Variants in PRKG1 observed in about 807,000 individuals in gnomAD.
PRKG1 encodes cGMP-dependent protein kinase 1.
Under a neutral mutation model 88.1 loss-of-function variants are expected in PRKG1, and 35 were observed. That is an observed-to-expected ratio of 0.40 (90% CI 0.30 to 0.53). The LOEUF is 0.53. Ranked by LOEUF, PRKG1 falls within the 20% of genes least tolerant of loss-of-function variation. The pLI, the probability that PRKG1 is intolerant of heterozygous loss-of-function variation, is 0.59. For synonymous variants in PRKG1, 303 were observed against 292.5 expected (o/e 1.04, Z -0.37); for missense variants, 540 against 839.8 (o/e 0.64, Z 4.41).
intron 2 of PRKG1, among the ~76,000 whole-genome samples, chr10:51,333,511 C>T (rs1249256283): frequency 6.6e-6 from 1 of 152,212 alleles, no homozygotes; most frequent in African/African-American, 2.4e-5. Flanking sequence ...TTTCTAACTG[C>T]TCTGGTCTTC....
In PRKG1 at chr10:51,015,738, T is replaced by A. The variant is rs184996423; in HGVS notation, c.266+24094T>A. 2.6e-3 allele frequency among the ~76,000 whole-genome samples: 390 copies of A among 152,184 alleles called. 1 individual carries two copies. The highest frequency in any genetic ancestry group is 8.6e-3 in the African/African-American group (356 of 41,516). On this transcript the variant is annotated intron_variant, in intron 1 of 17. Coordinates refer to the PRKG1 transcript ENST00000401604. ...TCCATCTCTACTAAAAATACAAAAA[T>A]TAGCTGGGCAAGGTGGTGGGCATCT... is the stretch of plus-strand genomic sequence containing the variant.
chr10:51,283,958 A>G (rs977790764), intron 2 of PRKG1, among the ~76,000 whole-genome samples: 1 of 152,184 alleles, frequency 6.6e-6, no homozygotes, highest in African/African-American at 2.4e-5. Context: ...TAATCAACCA[A>G]TTTACAAACA....
rs563488795 is a variant in PRKG1, at chr10:51,393,808, A to G, written c.479-73915A>G. On this transcript the variant is annotated intron_variant, in intron 2 of 17. Coordinates refer to ENST00000373980, the MANE Select transcript of PRKG1 (RefSeq NM_006258.4). Reference sequence around the variant, plus strand: ...TTGTCTTATTGTTGAAAAATACTAGATAGTACACTGTGAATTACTATTTCA... The same window carrying G: ...TTGTCTTATTGTTGAAAAATACTAGGTAGTACACTGTGAATTACTATTTCA... 3.9e-5 allele frequency among the ~76,000 whole-genome samples: 6 copies of G among 152,320 alleles called. No homozygotes were observed. In the South Asian group the frequency reaches 6.2e-4, roughly 16 times the overall value.
At chr10:52,158,041 A>G (rs775138632) in intron 8 of PRKG1, among the ~76,000 whole-genome samples, 6 of 151,708 alleles carry the variant, frequency 4.0e-5, no homozygotes, top group Non-Finnish European at 5.9e-5. Flanking sequence ...TTTGCTGTGG[A>G]GATGCCCTAA....
chr10:51,758,846 TC>T (rs1054532751), intron 3 of PRKG1, among the ~76,000 whole-genome samples: 3 of 141,444 alleles, frequency 2.1e-5, no homozygotes, highest in Non-Finnish European at 3.0e-5. Flanking sequence ...TCCCTCCTCT[TC>T]CCCCCCACCC....
At chr10:52,102,673 C>T (rs548253304) in intron 7 of PRKG1, among the ~76,000 whole-genome samples, 44 of 150,552 alleles carry the variant, frequency 2.9e-4, no homozygotes, top group Non-Finnish European at 5.6e-4. Context: ...ACAGACAACA[C>T]ACCAGAGGAT....
intron 2 of PRKG1, among the ~76,000 whole-genome samples, chr10:51,440,258 A>T (rs1839062389): frequency 6.6e-6 from 1 of 151,880 alleles, no homozygotes. Flanking sequence ...GGTATAGTAT[A>T]AGTACAGACA....
intron 7 of PRKG1, among the ~76,000 whole-genome samples, chr10:52,090,100 A>G (rs1439299692): frequency 6.6e-6 from 1 of 152,022 alleles, no homozygotes; most frequent in African/African-American, 2.4e-5. Flanking sequence ...GGCGTGAGCC[A>G]CCACACCCGG....
At chr10:51,400,977 A>G (rs1374556265) in intron 2 of PRKG1, among the ~76,000 whole-genome samples, 2 of 152,230 alleles carry the variant, frequency 1.3e-5, no homozygotes, top group Non-Finnish European at 2.9e-5. Flanking sequence ...ATTCTTCTCA[A>G]CTATAAAAAT....
chr10:51,847,350 A>G (rs374585318), intron 4 of PRKG1, among the ~76,000 whole-genome samples: 75 of 152,190 alleles, frequency 4.9e-4, no homozygotes, highest in African/African-American at 1.8e-3. Flanking sequence ...TCAAAAAATA[A>G]TAAGTTTTCT....
chr10:51,572,781 CT>C (rs144385340), intron 3 of PRKG1, among the ~76,000 whole-genome samples: 11,170 of 151,764 alleles, frequency 0.074, 1,378 homozygotes, highest in African/African-American at 0.25. Context: ...ACTGGACTGG[CT>C]TTTAATTTTT....
Position 51,911,910 on chromosome 10 carries a change from C to T in PRKG1, c.762+4340C>T, listed in dbSNP as rs187686751. Reference sequence around the variant, plus strand: ...CAACAAAGAAGTTTATAGCTTTGTTCGTTTGACAAATATTTATGGAGCACT... The same window carrying T: ...CAACAAAGAAGTTTATAGCTTTGTTTGTTTGACAAATATTTATGGAGCACT... On this transcript the variant is annotated intron_variant, in intron 5 of 17. Coordinates refer to ENST00000373980, the MANE Select transcript of PRKG1 (RefSeq NM_006258.4). Among the ~76,000 whole-genome samples the T allele has an allele frequency of 3.5e-3, 529 of 152,262 alleles. 4 individuals carry two copies. Among genetic ancestry groups the T allele is most frequent in the Middle Eastern group, 3.4e-3 (1 of 292 alleles).
intron 3 of PRKG1, among the ~76,000 whole-genome samples, chr10:51,688,011 A>G (rs1026983644): frequency 1.3e-5 from 2 of 152,122 alleles, no homozygotes; most frequent in Admixed American, 6.5e-5. Flanking sequence ...CAGATTGGGT[A>G]AGGATTTTTG....
chr10:51,119,765 G>T (rs113518914), intron 1 of PRKG1, among the ~76,000 whole-genome samples: 52 of 152,118 alleles, frequency 3.4e-4, no homozygotes, highest in African/African-American at 1.1e-3. Flanking sequence ...ATGACACTTA[G>T]AATTAAGTTC....
At chr10:51,664,645 T>C (rs2132336662) in intron 3 of PRKG1, among the ~76,000 whole-genome samples, 1 of 152,280 alleles carries the variant, frequency 6.6e-6, no homozygotes, top group East Asian at 1.9e-4. Flanking sequence ...GCGAATAAGA[T>C]ACCCTCTTTG....
At chr10:51,603,808 G>T (rs1227115866) in intron 3 of PRKG1, among the ~76,000 whole-genome samples, 1 of 152,134 alleles carries the variant, frequency 6.6e-6, no homozygotes, top group African/African-American at 2.4e-5. Context: ...GTGACTTTAG[G>T]AGAAGGGGTT....
At chr10:51,921,302 A>C (rs1842458062) in intron 5 of PRKG1, among the ~76,000 whole-genome samples, 1 of 152,054 alleles carries the variant, frequency 6.6e-6, no homozygotes, top group Non-Finnish European at 1.5e-5. Flanking sequence ...TAGTTCCAGG[A>C]GTCATTTGGT....
At chr10:51,143,486 G>A (rs1425407406) in intron 1 of PRKG1, among the ~76,000 whole-genome samples, 1 of 151,904 alleles carries the variant, frequency 6.6e-6, no homozygotes, top group East Asian at 1.9e-4. Flanking sequence ...GTTTACTTTG[G>A]GTATATACCC....
At chr10:51,897,017 AAAGTAGATTG>A in intron 4 of PRKG1, among the ~76,000 whole-genome samples, 1 of 152,316 alleles carries the variant, frequency 6.6e-6, no homozygotes, top group South Asian at 2.1e-4. Context: ...AGTGATGTGT[AAAGTAGATTG>A]AAGTCAGATG....
Sources: allele counts gnomAD v4.1 joint callset (sites outside exome capture counted in the v4.1 genomes callset), GRCh38; gene constraint gnomAD v4.1.1; transcripts MANE v1.5; gene names NCBI Gene and HGNC (gene_info 2026-07-23, HGNC 2026-07-21).